Variants in ZMPSTE24 observed in about 807,000 individuals in gnomAD.
ZMPSTE24 encodes the protein CAAX prenyl protease 1 homolog.
Under a neutral mutation model 56.7 loss-of-function variants are expected in ZMPSTE24, and 48 were observed. The observed-to-expected ratio is 0.85, with a 90% CI of 0.67 to 1.08. The LOEUF is 1.08. Among genes scored for constraint, ZMPSTE24 ranks in the 50% least tolerant of loss-of-function variants. ZMPSTE24 has a pLI of 0.00. For synonymous variants in ZMPSTE24, 172 were observed against 195.2 expected, an observed-to-expected ratio of 0.88 and a Z score of 0.99; for missense variants, 503 against 548.7, an observed-to-expected ratio of 0.92 and a Z score of 0.83.
Position 40,267,873 on chromosome 1 carries a change from G to A in ZMPSTE24, c.357+1G>A, listed in dbSNP as rs1182698074. 1.2e-6 allele frequency: 2 copies of A among 1,610,036 alleles called. No homozygotes were observed. The highest frequency in any genetic ancestry group is 2.2e-5 in the East Asian group (1 of 44,844). On this transcript the variant is annotated splice_donor_variant, in intron 3 of 9. Transcript: ENST00000372759. LOFTEE classifies it high-confidence loss of function. ...TGCTGGCTTTGGACCAGAATATGAGGTATGTGATTCATTAGCATGTATTTG... is the reference window on the plus strand; with the variant it reads ...TGCTGGCTTTGGACCAGAATATGAGATATGTGATTCATTAGCATGTATTTG...
chr1:40,276,333 G>T (rs1254299574), intron 6 of ZMPSTE24, among the ~76,000 whole-genome samples: 12 of 152,156 alleles, frequency 7.9e-5, no homozygotes, highest in African/African-American at 2.9e-4. Context: ...ATCCATGAAG[G>T]CACTTAAGAG....
At chr1:40,264,731 T>C (rs772249185) in intron 2 of ZMPSTE24, among the ~76,000 whole-genome samples, 1 of 151,548 alleles carries the variant, frequency 6.6e-6, no homozygotes, top group Non-Finnish European at 1.5e-5. Flanking sequence ...TTTTAAAAAA[T>C]CAACTGAGTG....
In ZMPSTE24 at chr1:40,285,247, C is replaced by T. The variant is rs72670647; in HGVS notation, c.955-678C>T. On this transcript the variant is annotated intron_variant, in intron 7 of 9. Coordinates refer to ENST00000372759, the MANE Select transcript of ZMPSTE24 (RefSeq NM_005857.5). The stretch of plus-strand genomic sequence containing the variant: ...TCAGCCTCCAGAGCAGCTGCAATTA[C>T]AGGCGCATACCACGATACCCTGCTA... 2.4e-3 allele frequency among the ~76,000 whole-genome samples: 358 copies of T among 152,208 alleles called. 2 individuals are homozygous for T. Among genetic ancestry groups the T allele is most frequent in the African/African-American group, 7.8e-3 (323 of 41,536 alleles).
chr1:40,291,577 G>A (rs563366927), intron 9 of ZMPSTE24, among the ~76,000 whole-genome samples: 1 of 152,314 alleles, frequency 6.6e-6, no homozygotes, highest in East Asian at 1.9e-4. Flanking sequence ...CCTGACAATG[G>A]CATCATTTCA....
At chr1:40,269,357 T>C (rs1643589998) in intron 4 of ZMPSTE24, among the ~76,000 whole-genome samples, 1 of 151,938 alleles carries the variant, frequency 6.6e-6, no homozygotes, top group African/African-American at 2.4e-5. Flanking sequence ...ATTGTGCCAC[T>C]GTACTCCAAC....
At chr1:40,262,843 AT>A in intron 2 of ZMPSTE24, 1 of 1,150,850 alleles carries the variant, frequency 8.7e-7, no homozygotes, top group Non-Finnish European at 1.1e-6. Flanking sequence ...GTTCCAGAGA[AT>A]TGTTGAACAA....
chr1:40,267,611 G>A (rs2124580487), intron 2 of ZMPSTE24, among the ~76,000 whole-genome samples, 175 bp from the exon 3 acceptor site: 1 of 147,566 alleles, frequency 6.8e-6, no homozygotes, highest in South Asian at 2.1e-4. Flanking sequence ...CTCAAGCGAT[G>A]CTTCTGTCTC....
chr1:40,266,539 C>T (rs1311426015), intron 2 of ZMPSTE24, among the ~76,000 whole-genome samples: 1 of 152,096 alleles, frequency 6.6e-6, no homozygotes, highest in African/African-American at 2.4e-5. Flanking sequence ...AGAGCCTTCT[C>T]CTGTGAAAGC....
At chr1:40,268,155 G>A (rs1643575312) in intron 3 of ZMPSTE24, among the ~76,000 whole-genome samples, 1 of 152,134 alleles carries the variant, frequency 6.6e-6, no homozygotes, top group South Asian at 2.1e-4. Context: ...AAGAATCCAG[G>A]CTCTTTATCT....
In ZMPSTE24 at chr1:40,271,881, A is replaced by G. The variant is rs761657145; in HGVS notation, c.628-13A>G. On this transcript the variant is annotated splice_polypyrimidine_tract_variant and intron_variant, in intron 5 of 9. Coordinates refer to ENST00000372759, the MANE Select transcript of ZMPSTE24 (RefSeq NM_005857.5). Reference sequence around the variant, plus strand: ...GAACATGTTCATATGTTATTCTGACATTTACTTTTCAGGTTCTTGTCACAA... The same window carrying G: ...GAACATGTTCATATGTTATTCTGACGTTTACTTTTCAGGTTCTTGTCACAA... 1 of 1,613,104 alleles carries G rather than the reference A, an allele frequency of 6.2e-7. No individual in the cohort carries two copies. Among genetic ancestry groups the G allele is most frequent in the Admixed American group, 1.7e-5 (1 of 59,984 alleles).
intron 8 of ZMPSTE24, among the ~76,000 whole-genome samples, chr1:40,290,271 G>C (rs756158123): frequency 6.6e-6 from 1 of 150,778 alleles, no homozygotes; most frequent in African/African-American, 2.4e-5. Flanking sequence ...TGTAGTCCCA[G>C]CTACTCGGGA....
chr1:40,282,690 G>A (rs1022969875), intron 7 of ZMPSTE24, among the ~76,000 whole-genome samples: 1 of 152,154 alleles, frequency 6.6e-6, no homozygotes, highest in African/African-American at 2.4e-5. Flanking sequence ...GGCCAGTAGG[G>A]TTTCTCAAGC....
chr1:40,287,449 G>A (rs1039942934), intron 8 of ZMPSTE24, among the ~76,000 whole-genome samples: 1 of 152,056 alleles, frequency 6.6e-6, no homozygotes, highest in Non-Finnish European at 1.5e-5. Flanking sequence ...AAGTTGAGAT[G>A]GTGGATCACT....
At chr1:40,283,159 A>G (rs1256988483) in intron 7 of ZMPSTE24, among the ~76,000 whole-genome samples, 2 of 152,194 alleles carry the variant, frequency 1.3e-5, no homozygotes, top group Non-Finnish European at 2.9e-5. Context: ...ACTGAAGTCC[A>G]GAAAGAATAA....
At chr1:40,283,619 C>T (rs1569655112) in intron 7 of ZMPSTE24, among the ~76,000 whole-genome samples, 2 of 152,056 alleles carry the variant, frequency 1.3e-5, no homozygotes, top group Admixed American at 1.3e-4. Flanking sequence ...ATTTCACATA[C>T]CTTGATGGGG....
intron 1 of ZMPSTE24, among the ~76,000 whole-genome samples, chr1:40,259,895 G>A (rs941061582): frequency 1.3e-5 from 2 of 151,996 alleles, no homozygotes; most frequent in African/African-American, 4.8e-5. Context: ...CACCGTGCTC[G>A]ATCTCCCCTC....
chr1:40,285,726 C>T (rs1338285705), intron 7 of ZMPSTE24, among the ~76,000 whole-genome samples, 199 bp from the exon 8 acceptor site: 1 of 150,384 alleles, frequency 6.6e-6, no homozygotes, highest in Non-Finnish European at 1.5e-5. Flanking sequence ...TCTTGTTCGT[C>T]ATTCTATCTA....
chr1:40,284,410 C>G (rs1366273428), intron 7 of ZMPSTE24, among the ~76,000 whole-genome samples: 1 of 152,096 alleles, frequency 6.6e-6, no homozygotes, highest in Non-Finnish European at 1.5e-5. Flanking sequence ...GTGTTAACAG[C>G]TTACCTCATA....
chr1:40,292,242 T>C (rs1308594898), intron 9 of ZMPSTE24, among the ~76,000 whole-genome samples: 1 of 152,162 alleles, frequency 6.6e-6, no homozygotes, highest in Non-Finnish European at 1.5e-5. Flanking sequence ...CTTTTATATG[T>C]GTTTCTGGCC....
Sources: allele counts gnomAD v4.1 joint callset (sites outside exome capture counted in the v4.1 genomes callset), GRCh38; gene constraint gnomAD v4.1.1; transcripts MANE v1.5; gene names NCBI Gene and HGNC (gene_info 2026-07-23, HGNC 2026-07-21).